SRGAP2: variants seen among roughly 807,000 people sequenced by gnomAD.
SRGAP2 encodes the protein SLIT-ROBO Rho GTPase-activating protein 2.
Under a neutral mutation model 57.2 loss-of-function variants are expected in SRGAP2, and 15 were observed. The observed-to-expected ratio is 0.26, with a 90% CI of 0.18 to 0.40. The LOEUF is 0.40. Among genes scored for constraint, SRGAP2 ranks in the 10% least tolerant of loss-of-function variants. SRGAP2 has a pLI of 1.00. For synonymous variants in SRGAP2, 249 were observed against 248.0 expected (o/e 1.00, Z -0.04); for missense variants, 520 against 669.6 (o/e 0.78, Z 2.47).
At chr1:206,214,034 C>T (rs1270076259) in intron 2 of SRGAP2, among the ~76,000 whole-genome samples, 1 of 148,594 alleles carries the variant, frequency 6.7e-6, no homozygotes, top group Non-Finnish European at 1.5e-5. Context: ...GGGCTAGAGG[C>T]TCCCACTGGA....
chr1:206,395,751 C>G (rs559192375), intron 7 of SRGAP2, among the ~76,000 whole-genome samples: 1 of 150,600 alleles, frequency 6.6e-6, no homozygotes, highest in Non-Finnish European at 1.5e-5. Flanking sequence ...CTTTGCAATC[C>G]ATAGATTCTC....
chr1:206,400,283 TG>T (rs1658016854), intron 7 of SRGAP2, among the ~76,000 whole-genome samples: 1 of 151,420 alleles, frequency 6.6e-6, no homozygotes. Flanking sequence ...CTGGGTCTTT[TG>T]GGAGGGATGG....
rs1169230045 is a variant in SRGAP2, at chr1:206,388,934, C to T, written c.487-3755C>T. On this transcript the variant is annotated intron_variant, in intron 5 of 22. Coordinates refer to ENST00000573034, the MANE Select transcript of SRGAP2 (RefSeq NM_015326.5). Reference sequence around the variant, plus strand: ...GGATGGTCAGATTGCCGAGAGATCACACTTTTGATCTCCCACTCATGTCTG... The same window carrying T: ...GGATGGTCAGATTGCCGAGAGATCATACTTTTGATCTCCCACTCATGTCTG... Among the ~76,000 whole-genome samples, 6 of 146,470 alleles carry T rather than the reference C, an allele frequency of 4.1e-5. No individual in the cohort carries two copies. The Admixed American group carries it at 4.2e-4, about 10-fold the overall frequency.
At chr1:206,419,982 C>T (rs1437407431) in intron 12 of SRGAP2, among the ~76,000 whole-genome samples, 2 of 152,090 alleles carry the variant, frequency 1.3e-5, no homozygotes, top group African/African-American at 4.8e-5. Context: ...CTTCCTCCTC[C>T]ACCCCAGCCA....
chr1:206,259,972 G>T (rs1212608466), intron 2 of SRGAP2, among the ~76,000 whole-genome samples: 1 of 49,844 alleles, frequency 2.0e-5, no homozygotes, highest in Non-Finnish European at 3.9e-5. Context: ...CCCCTTTACA[G>T]AAGTTCATTA....
Position 206,354,440 on chromosome 1 carries a change from GC to G in SRGAP2, c.423+11436del, listed in dbSNP as rs1236380254. On this transcript the variant is annotated intron_variant, in intron 4 of 22. Coordinates refer to ENST00000573034, the MANE Select transcript of SRGAP2 (RefSeq NM_015326.5). ...ATGGGAAGCCCAAGATGTTTATCAA[GC>G]CCCTCTAACTTGGCAGGCTTTGAAT... 2.0e-5 allele frequency among the ~76,000 whole-genome samples: 3 copies of G among 152,298 alleles called. No individual in the cohort carries two copies. The East Asian group carries it at 5.8e-4, about 29-fold the overall frequency.
At chr1:206,415,796 C>G (rs1269170945) in intron 10 of SRGAP2, 93 bp from the exon 11 acceptor site, 2 of 705,150 alleles carry the variant, frequency 2.8e-6, no homozygotes, top group African/African-American at 1.8e-5. Context: ...ACCAAATGAC[C>G]TCTATATAGG....
rs1655673448 is a variant in SRGAP2 at position 206,381,150 on chromosome 1, A to G, written c.424-2864A>G. Among the ~76,000 whole-genome samples, 6 of 152,344 alleles carry G rather than the reference A, an allele frequency of 3.9e-5. No homozygotes were observed. In the South Asian group the frequency reaches 1.2e-3, roughly 32 times the overall value. ...AGTGGTCCTCCCAACTAATCAGTAC[A>G]TGAAAGGAAACATCTGCCTGGGCTT... On this transcript the variant is annotated intron_variant, in intron 4 of 22. Transcript: ENST00000573034.
At chr1:206,209,633 C>G (rs1383276817) in intron 2 of SRGAP2, among the ~76,000 whole-genome samples, 1 of 151,576 alleles carries the variant, frequency 6.6e-6, no homozygotes, top group Non-Finnish European at 1.5e-5. Flanking sequence ...CAATAATATT[C>G]TTAGTCTTTT....
At chr1:206,210,403 C>CTTTTTTTTTTT (rs71568077) in intron 2 of SRGAP2, among the ~76,000 whole-genome samples, 1 of 31,792 alleles carries the variant, frequency 3.1e-5, no homozygotes, top group African/African-American at 1.3e-4. Flanking sequence ...GGGGTCTTGT[C>CTTTTTTTTTTT]TTTTTTTTTT....
chr1:206,354,838 T>TCCTCTTTCCTTCTC (rs1488148728), intron 4 of SRGAP2, among the ~76,000 whole-genome samples: 1 of 149,202 alleles, frequency 6.7e-6, no homozygotes, highest in African/African-American at 2.5e-5. Flanking sequence ...CTCTTCCTTT[T>TCCTCTTTCCTTCTC]CCTCTTTCCT....
chr1:206,265,785 A>G (rs1669804642), intron 2 of SRGAP2, among the ~76,000 whole-genome samples: 1 of 151,910 alleles, frequency 6.6e-6, no homozygotes, highest in Non-Finnish European at 1.5e-5. Flanking sequence ...GATTAGAATT[A>G]TTTTTCATAA....
At chr1:206,313,753 G>A (rs1327167921) in intron 3 of SRGAP2, among the ~76,000 whole-genome samples, 1 of 151,946 alleles carries the variant, frequency 6.6e-6, no homozygotes, top group East Asian at 1.9e-4. Flanking sequence ...TGAGACCAAG[G>A]AAACCAGTTG....
At chr1:206,305,729 C>A (rs1261641466) in intron 3 of SRGAP2, among the ~76,000 whole-genome samples, 3 of 149,340 alleles carry the variant, frequency 2.0e-5, no homozygotes, top group African/African-American at 7.6e-5. Context: ...TCTTATTTTC[C>A]CCATTTTCTA....
chr1:206,391,934 C>T (rs1657017148), intron 5 of SRGAP2, among the ~76,000 whole-genome samples: 1 of 150,234 alleles, frequency 6.7e-6, no homozygotes, highest in African/African-American at 2.5e-5. Flanking sequence ...TCCAGTTATA[C>T]TTGATATGGA....
chr1:206,304,156 G>C lies in SRGAP2; in HGVS notation c.260+683G>C, dbSNP rs1458952530. 3.5e-4 allele frequency among the ~76,000 whole-genome samples: 52 copies of C among 150,656 alleles called. No individual in the cohort carries two copies. The East Asian group carries it at 9.0e-3, about 26-fold the overall frequency. On this transcript the variant is annotated intron_variant, in intron 3 of 22. Transcript: ENST00000573034. The stretch of plus-strand genomic sequence containing the variant: ...CTTGGTTCCCAGTGCCATTGCCCTA[G>C]TTTAGATCATCATCTTTTTTGCCTG...
chr1:206,417,103 CTTT>C (rs546280000), intron 11 of SRGAP2, among the ~76,000 whole-genome samples: 2 of 133,772 alleles, frequency 1.5e-5, no homozygotes, highest in Admixed American at 7.5e-5. Flanking sequence ...CTAATGACTT[CTTT>C]TTTTTTTTTT....
intron 14 of SRGAP2, among the ~76,000 whole-genome samples, chr1:206,434,439 T>TGCC (rs1280928704): frequency 6.6e-6 from 1 of 152,238 alleles, no homozygotes; most frequent in Non-Finnish European, 1.5e-5. Context: ...GAAGGTTTTG[T>TGCC]GCCATTTCCA....
At chr1:206,240,646 C>T (rs1668164248) in intron 2 of SRGAP2, among the ~76,000 whole-genome samples, 1 of 151,978 alleles carries the variant, frequency 6.6e-6, no homozygotes. Flanking sequence ...AAAACAAAAA[C>T]AAAACAAACA....
Sources: allele counts gnomAD v4.1 joint callset (sites outside exome capture counted in the v4.1 genomes callset), GRCh38; gene constraint gnomAD v4.1.1; transcripts MANE v1.5; gene names NCBI Gene and HGNC (gene_info 2026-07-23, HGNC 2026-07-21).